The following CSMD1 variants were observed in gnomAD, a reference collection of about 807,000 sequenced individuals.
The protein encoded by CSMD1 is CUB and sushi domain-containing protein 1.
CSMD1 carries 213 observed loss-of-function variants against 417.5 expected under a neutral mutation model. The ratio of observed to expected loss-of-function variants is 0.51; its 90% CI spans 0.46 to 0.57. The LOEUF (loss-of-function observed/expected upper bound fraction) is 0.57, where lower values mean the gene tolerates loss of function less well. Among genes scored for constraint, CSMD1 ranks in the 20% least tolerant of loss-of-function variants. CSMD1 has a pLI of 0.00. For synonymous variants in CSMD1, 2,862 were observed against 1,736.8 expected (o/e 1.65, Z -16.11); for missense variants, 6,923 against 4,529.7 (o/e 1.53, Z -15.17).
At position 4,403,839 on chromosome 8, in the gene CSMD1, G is replaced by A. The variant is rs187606702; in HGVS notation, c.415+16114C>T. Among the ~76,000 whole-genome samples the A allele has an allele frequency of 2.6e-5, 4 of 152,208 alleles. No individual in the cohort carries two copies. The East Asian group carries it at 7.7e-4, about 29-fold the overall frequency. ...GCTCAAATGGCATCTGCCATTGGGT[G>A]TCTGATTGGGAATTTACATTTAACT... On this transcript the variant is annotated intron_variant, in intron 3 of 69. Coordinates refer to ENST00000635120, the MANE Select transcript of CSMD1 (RefSeq NM_033225.6).
chr8:3,566,884 TAA>T (rs1237694886), intron 10 of CSMD1, among the ~76,000 whole-genome samples: 3 of 152,194 alleles, frequency 2.0e-5, no homozygotes, highest in Admixed American at 6.5e-5. Flanking sequence ...TCCTGACATC[TAA>T]AGACAGAAAT....
intron 1 of CSMD1, among the ~76,000 whole-genome samples, chr8:4,707,989 A>C (rs1808057858): frequency 1.3e-5 from 2 of 151,294 alleles, no homozygotes; most frequent in Admixed American, 1.3e-4. Flanking sequence ...TCTGTCACCC[A>C]GGCTAGTGCA....
chr8:3,545,189 A>C (rs1428459763), intron 10 of CSMD1, among the ~76,000 whole-genome samples: 1 of 152,208 alleles, frequency 6.6e-6, no homozygotes, highest in South Asian at 2.1e-4. Context: ...AGCAAAGAGC[A>C]GGAGGTAGAA....
At chr8:4,707,258 G>C (rs1052168481) in intron 1 of CSMD1, among the ~76,000 whole-genome samples, 9 of 152,176 alleles carry the variant, frequency 5.9e-5, no homozygotes, top group African/African-American at 2.2e-4. Context: ...ACGGTCCTAG[G>C]AGGTAAGGAA....
chr8:3,859,697 T>A lies in CSMD1; in HGVS notation c.819-105655A>T, dbSNP rs148496904. On this transcript the variant is annotated intron_variant, in intron 5 of 69. Coordinates refer to ENST00000635120, the MANE Select transcript of CSMD1 (RefSeq NM_033225.6). ...AATTAATCAATGAGTCGTGCCTACA[T>A]AGTGAAGCCTCAGTAATAACTCTGG... Among the ~76,000 whole-genome samples the A allele has an allele frequency of 7.8e-4, 119 of 152,228 alleles. 3 individuals carry two copies. The South Asian group carries it at 0.024, about 31-fold the overall frequency.
chr8:3,228,696 A>T (rs184105012), intron 27 of CSMD1, among the ~76,000 whole-genome samples: 1 of 152,168 alleles, frequency 6.6e-6, no homozygotes, highest in South Asian at 2.1e-4. Flanking sequence ...AATATAAATT[A>T]ATAAATTACT....
chr8:3,343,539 T>C (rs935655132), intron 22 of CSMD1, 89 bp from the exon 23 acceptor site: 22 of 1,207,040 alleles, frequency 1.8e-5, no homozygotes, highest in East Asian at 5.0e-5. Context: ...TCTTCAAAGA[T>C]GCAGTTTTAA....
At chr8:3,847,419 T>C (rs1803581526) in intron 5 of CSMD1, among the ~76,000 whole-genome samples, 1 of 152,118 alleles carries the variant, frequency 6.6e-6, no homozygotes, top group South Asian at 2.1e-4. Flanking sequence ...GGAGGGACAG[T>C]TGGCTGCGAG....
intron 2 of CSMD1, among the ~76,000 whole-genome samples, chr8:4,452,891 T>G (rs1329505196): frequency 6.6e-6 from 1 of 152,160 alleles, no homozygotes; most frequent in Non-Finnish European, 1.5e-5. Context: ...ACAAATTCAG[T>G]AGAGAAGCAA....
At chr8:4,089,330 G>C (rs1243951498) in intron 3 of CSMD1, among the ~76,000 whole-genome samples, 1 of 152,186 alleles carries the variant, frequency 6.6e-6, no homozygotes, top group African/African-American at 2.4e-5. Flanking sequence ...AAAGAAGAGA[G>C]CTCGGTATGG....
chr8:4,872,198 G>C (rs1025340456), intron 1 of CSMD1, among the ~76,000 whole-genome samples: 1 of 152,102 alleles, frequency 6.6e-6, no homozygotes, highest in Non-Finnish European at 1.5e-5. Context: ...TGTGACTCAA[G>C]TAAGGCATAG....
At chr8:4,794,013 C>T (rs192558643) in intron 1 of CSMD1, among the ~76,000 whole-genome samples, 35 of 152,222 alleles carry the variant, frequency 2.3e-4, no homozygotes, top group Admixed American at 1.8e-3. Flanking sequence ...ATTTTAAAAG[C>T]AGTTTCTTAT....
intron 1 of CSMD1, among the ~76,000 whole-genome samples, chr8:4,942,875 C>T (rs1196957460): frequency 1.3e-5 from 2 of 152,164 alleles, no homozygotes; most frequent in Non-Finnish European, 2.9e-5. Flanking sequence ...CCAAAACATT[C>T]TATGAAAGCT....
At chr8:4,526,603 C>G (rs545242340) in intron 2 of CSMD1, among the ~76,000 whole-genome samples, 1 of 152,234 alleles carries the variant, frequency 6.6e-6, no homozygotes, top group Non-Finnish European at 1.5e-5. Flanking sequence ...GATCATGTCT[C>G]TTTCACCAAC....
At chr8:3,238,721 C>T (rs193278924) in intron 26 of CSMD1, among the ~76,000 whole-genome samples, 3 of 152,096 alleles carry the variant, frequency 2.0e-5, no homozygotes, top group South Asian at 4.1e-4. Context: ...TATTAAGGGA[C>T]TAAGAATTGG....
intron 3 of CSMD1, among the ~76,000 whole-genome samples, chr8:4,347,407 A>G (rs1800834843): frequency 6.6e-6 from 1 of 152,198 alleles, no homozygotes; most frequent in Non-Finnish European, 1.5e-5. Context: ...ATCATTTAAA[A>G]TAGGTAACAT....
intron 3 of CSMD1, among the ~76,000 whole-genome samples, chr8:4,181,094 C>G (rs1004077321): frequency 1.3e-4 from 20 of 152,236 alleles, no homozygotes; most frequent in Admixed American, 5.9e-4. Context: ...ATTGAACATT[C>G]CAACACATGA....
chr8:3,618,084 C>G (rs1584968749), intron 7 of CSMD1, among the ~76,000 whole-genome samples: 1 of 152,208 alleles, frequency 6.6e-6, no homozygotes, highest in Non-Finnish European at 1.5e-5. Context: ...TCACTGCAGC[C>G]TCAACCTCCC....
intron 2 of CSMD1, among the ~76,000 whole-genome samples, chr8:4,634,110 C>G (rs1342124253): frequency 6.6e-6 from 1 of 151,836 alleles, no homozygotes. Context: ...AGAGAGGTCT[C>G]ATTTCAGCTC....
Sources: gnomAD v4.1 joint callset for allele counts (sites outside exome capture counted in the v4.1 genomes callset) on GRCh38, gnomAD v4.1.1 for gene constraint, MANE v1.5 for transcripts, NCBI Gene and HGNC (gene_info 2026-07-23, HGNC 2026-07-21) for gene names.